Variants in PPFIA2 observed in about 807,000 individuals in gnomAD.
The protein encoded by PPFIA2 is liprin-alpha-2.
A neutral mutation model predicts 175.5 loss-of-function variants in PPFIA2; 46 were observed. The ratio of observed to expected loss-of-function variants is 0.26; its 90% CI spans 0.21 to 0.34. The LOEUF is 0.34. Ranked by LOEUF, PPFIA2 falls within the 10% of genes least tolerant of loss-of-function variation. The pLI is 1.00. For missense variants in PPFIA2, 1,179 were observed against 1,506.1 expected (o/e 0.78, Z 3.60); for synonymous variants, 568 against 511.4 (o/e 1.11, Z -1.49).
intron 5 of PPFIA2, among the ~76,000 whole-genome samples, chr12:81,449,698 T>C (rs2052070337): frequency 6.6e-6 from 1 of 152,032 alleles, no homozygotes; most frequent in African/African-American, 2.4e-5. Flanking sequence ...TGCAGGTTTA[T>C]TACATATGTA....
At chr12:81,624,607 AATAT>A (rs1173289082) in intron 4 of PPFIA2, among the ~76,000 whole-genome samples, 5 of 146,538 alleles carry the variant, frequency 3.4e-5, no homozygotes, top group Admixed American at 1.4e-4. Context: ...TATTAATGAT[AATAT>A]ATAATTATAT....
intron 4 of PPFIA2, among the ~76,000 whole-genome samples, chr12:81,654,882 T>C (rs910521994): frequency 1.3e-5 from 2 of 152,176 alleles, no homozygotes; most frequent in African/African-American, 2.4e-5. Context: ...GAGCTTTTAA[T>C]AGGTGGTATA....
At chr12:81,736,250 T>C (rs2153647121) in intron 3 of PPFIA2, among the ~76,000 whole-genome samples, 1 of 152,148 alleles carries the variant, frequency 6.6e-6, no homozygotes, top group Non-Finnish European at 1.5e-5. Flanking sequence ...GTCTTCACTA[T>C]ACAAGCCTTG....
At chr12:81,644,381 T>C (rs2065775096) in intron 4 of PPFIA2, among the ~76,000 whole-genome samples, 1 of 151,968 alleles carries the variant, frequency 6.6e-6, no homozygotes, top group South Asian at 2.1e-4. Context: ...TTCCTTATTT[T>C]TAAAATAAAG....
At chr12:81,478,741 T>A (rs552639743) in intron 4 of PPFIA2, among the ~76,000 whole-genome samples, 78 of 152,318 alleles carry the variant, frequency 5.1e-4, no homozygotes, top group Non-Finnish European at 8.2e-4. Context: ...GTCAGTTTCT[T>A]AATCCTGAGT....
intron 4 of PPFIA2, among the ~76,000 whole-genome samples, chr12:81,557,115 T>C (rs952630727): frequency 6.6e-6 from 1 of 151,716 alleles, no homozygotes; most frequent in Admixed American, 6.6e-5. Context: ...GGTCTCATTC[T>C]TATATGCTTT....
intron 3 of PPFIA2, among the ~76,000 whole-genome samples, chr12:81,695,841 G>T (rs1178350901): frequency 6.6e-6 from 1 of 152,038 alleles, no homozygotes; most frequent in Non-Finnish European, 1.5e-5. Context: ...TCCCAACTCT[G>T]GTTTCCTTTG....
intron 3 of PPFIA2, among the ~76,000 whole-genome samples, chr12:81,734,189 G>T (rs1005801348): frequency 6.6e-6 from 1 of 151,766 alleles, no homozygotes; most frequent in Admixed American, 6.6e-5. Context: ...GTTGGAGTTT[G>T]TCTCTAACCC....
intron 4 of PPFIA2, among the ~76,000 whole-genome samples, chr12:81,597,018 C>A (rs1426128692): frequency 6.6e-6 from 1 of 152,140 alleles, no homozygotes; most frequent in Non-Finnish European, 1.5e-5. Context: ...TTCTGACCAC[C>A]TTTATTATAT....
chr12:81,642,672 C>CATAATGTATGTATATATTATATACATA lies in PPFIA2; in HGVS notation c.303+34118_303+34119insTATGTATATAATATATACATACATTAT, dbSNP rs1567685983. Among the ~76,000 whole-genome samples, 12 of 64,850 alleles carry CATAATGTATGTATATATTATATACATA rather than the reference C, an allele frequency of 1.9e-4. 4 individuals are homozygous for CATAATGTATGTATATATTATATACATA. The highest frequency in any genetic ancestry group is 4.2e-4 in the Non-Finnish European group (12 of 28,520). 42.5% of individuals were successfully genotyped at this position (64,850 alleles called of 152,430 possible). On this transcript the variant is annotated intron_variant, in intron 4 of 32. Transcript: ENST00000549396. ...CATGTATGTATCTATTATATACATA[C>CATAATGTATGTATATATTATATACATA]ATGTATGTATCTATTATATACATAC...
intron 21 of PPFIA2, among the ~76,000 whole-genome samples, chr12:81,338,188 C>A (rs986853091): frequency 6.6e-5 from 10 of 152,012 alleles, no homozygotes; most frequent in African/African-American, 2.2e-4. Flanking sequence ...GTATTCCTTG[C>A]AAATAATTAT....
At chr12:81,585,331 G>A (rs2153434497) in intron 4 of PPFIA2, among the ~76,000 whole-genome samples, 1 of 150,948 alleles carries the variant, frequency 6.6e-6, no homozygotes, top group African/African-American at 2.4e-5. Context: ...TGATAAATTA[G>A]CCTTAGCTTA....
intron 4 of PPFIA2, among the ~76,000 whole-genome samples, chr12:81,562,721 C>T (rs1240777171): frequency 6.7e-6 from 1 of 149,124 alleles, no homozygotes; most frequent in Non-Finnish European, 1.5e-5. Flanking sequence ...GTGGCGGGCG[C>T]CTGTAGTCCC....
intron 2 of PPFIA2, among the ~76,000 whole-genome samples, chr12:81,758,190 A>C (rs2084982044): frequency 6.6e-6 from 1 of 152,062 alleles, no homozygotes; most frequent in South Asian, 2.1e-4. Context: ...CCACACTAAA[A>C]TTGTTCATCC....
chr12:81,273,823 A>C (rs2039800686), intron 28 of PPFIA2, among the ~76,000 whole-genome samples: 1 of 152,022 alleles, frequency 6.6e-6, no homozygotes, highest in South Asian at 2.1e-4. Context: ...AGCAGAATGA[A>C]TTTCTGCCCG....
rs754290893 is a variant in PPFIA2 at position 81,512,357 on chromosome 12, C to CA, written c.304-54492dup. 7 of 1,288,476 alleles carry CA rather than the reference C, an allele frequency of 5.4e-6. No individual in the cohort carries two copies. In the South Asian group the frequency reaches 6.2e-5, roughly 11 times the overall value. The allele number at this position is 1,288,476 out of a possible 1,614,324, so 79.8% of individuals were successfully genotyped here. ...ATCTCTTATGTACCTGCAGCCAAAA[C>CA]AAATTACTTACATTCTCTGAGCATT... On this transcript the variant is annotated intron_variant, in intron 4 of 32. Transcript: ENST00000549396.
intron 22 of PPFIA2, 66 bp from the exon 23 acceptor site, chr12:81,299,448 G>T: frequency 6.7e-7 from 1 of 1,502,776 alleles, no homozygotes. Flanking sequence ...TATTTTTAAT[G>T]ATAATATTTT....
intron 27 of PPFIA2, among the ~76,000 whole-genome samples, chr12:81,279,932 A>C (rs530914819): frequency 6.6e-6 from 1 of 152,288 alleles, no homozygotes; most frequent in African/African-American, 2.4e-5. Flanking sequence ...GTGTTAACTA[A>C]AAAATGAGGT....
At chr12:81,291,014 C>G (rs1010674406) in intron 24 of PPFIA2, among the ~76,000 whole-genome samples, 4 of 151,640 alleles carry the variant, frequency 2.6e-5, no homozygotes, top group African/African-American at 9.7e-5. Flanking sequence ...GCTTACACTA[C>G]ATTACTAAAT....
Sources: gnomAD v4.1 joint callset for allele counts (sites outside exome capture counted in the v4.1 genomes callset) on GRCh38, gnomAD v4.1.1 for gene constraint, MANE v1.5 for transcripts, NCBI Gene and HGNC (gene_info 2026-07-23, HGNC 2026-07-21) for gene names.